CPAMD8: variants seen among roughly 807,000 people sequenced by gnomAD.
The protein encoded by CPAMD8 is C3 and PZP-like alpha-2-macroglobulin domain-containing protein 8.
CPAMD8 carries 146 observed loss-of-function variants against 224.7 expected under a neutral mutation model. That is an observed-to-expected ratio of 0.65 (90% confidence interval 0.57 to 0.75). The LOEUF is 0.75. Among genes scored for constraint, CPAMD8 ranks in the 30% least tolerant of loss-of-function variants. The pLI is 0.00. For missense variants in CPAMD8, 2,301 were observed against 2,537.5 expected, an observed-to-expected ratio of 0.91 and a Z score of 2.00; for synonymous variants, 966 against 1,044.6, an observed-to-expected ratio of 0.92 and a Z score of 1.45.
chr19:17,005,098 G>T (rs2056449476), intron 7 of CPAMD8, among the ~76,000 whole-genome samples: 1 of 148,700 alleles, frequency 6.7e-6, no homozygotes, highest in Non-Finnish European at 1.5e-5. Flanking sequence ...AAACTGAGGG[G>T]TGCTGACCAT....
At position 16,980,477 on chromosome 19, in the gene CPAMD8, C is replaced by A; in HGVS notation, c.1585+20G>T. 2 of 1,608,224 alleles carry A rather than the reference C, an allele frequency of 1.2e-6. No homozygotes were observed. The highest frequency in any genetic ancestry group is 1.3e-5 in the African/African-American group (1 of 74,860). On this transcript the variant is annotated intron_variant, in intron 14 of 41. Transcript: ENST00000443236. ...GTTCAGAAGGAAGAACAGGAACCTTCTCCCTGCTGCCCGGCTCACCTGTCT... is the reference window on the plus strand; with the variant it reads ...GTTCAGAAGGAAGAACAGGAACCTTATCCCTGCTGCCCGGCTCACCTGTCT...
At chr19:16,919,295 T>C (rs1225123395) in intron 27 of CPAMD8, among the ~76,000 whole-genome samples, 1 of 152,154 alleles carries the variant, frequency 6.6e-6, no homozygotes, top group Admixed American at 6.5e-5. Flanking sequence ...TATGGCATCC[T>C]TCCCGCTTTC....
At chr19:17,001,627 C>T (rs1023066829) in intron 9 of CPAMD8, among the ~76,000 whole-genome samples, 2 of 151,914 alleles carry the variant, frequency 1.3e-5, no homozygotes, top group African/African-American at 4.8e-5. Context: ...AGCATGGAAA[C>T]AAAGACAGGC....
chr19:16,921,943 G>T lies in CPAMD8; in HGVS notation c.3591C>A (p.Tyr1197Ter). ...ATGCGTCCCGCTCCCCAAACGCGCT[G>T]TAGGAGCCATCCTGGCGCTTGTAGG... ...QLTYKRQDGS[Y>*]SAFGERDASG... Residue 1197 changes from tyrosine to a stop codon, truncating the protein, a stop_gained, in exon 27 of 42, where the codon TAC (tyrosine) becomes TAA (stop). Coordinates refer to ENST00000443236, the MANE Select transcript of CPAMD8 (RefSeq NM_015692.5). LOFTEE classifies it high-confidence loss of function. 1 of 1,547,748 alleles carries T rather than the reference G, an allele frequency of 6.5e-7. No individual in the cohort carries two copies. Among genetic ancestry groups the T allele is most frequent in the Non-Finnish European group, 8.7e-7 (1 of 1,146,724 alleles).
At chr19:17,021,997 G>T (rs759544202) in intron 2 of CPAMD8, 33 bp downstream of exon 2, 17 of 1,549,960 alleles carry the variant, frequency 1.1e-5, no homozygotes, top group Middle Eastern at 4.7e-4. Context: ...GCAAAAGAAG[G>T]GGAAGTCCTG....
intron 23 of CPAMD8, among the ~76,000 whole-genome samples, chr19:16,937,111 C>T (rs2053718936): frequency 1.3e-5 from 2 of 150,064 alleles, no homozygotes; most frequent in African/African-American, 2.5e-5. Flanking sequence ...TTTCTTCCTT[C>T]CCTCCCTCCA....
intron 32 of CPAMD8, 50 bp downstream of exon 32, chr19:16,904,176 A>AGGGCCCCCCCCC: frequency 6.4e-6 from 6 of 937,338 alleles, no homozygotes; most frequent in Non-Finnish European, 8.4e-6. Context: ...GACTGCAGGG[A>AGGGCCCCCCCCC]CCCCACCCAC....
chr19:16,929,181 G>A lies in CPAMD8; in HGVS notation c.2905C>T (p.Arg969Cys), dbSNP rs200258917. 95 of 1,613,946 alleles carry A rather than the reference G, an allele frequency of 5.9e-5. No individual in the cohort carries two copies. The highest frequency in any genetic ancestry group is 2.4e-4 in the South Asian group (22 of 91,080). The change falls in exon 24 of 42, where the codon CGC becomes TGC. Residue 969 changes from arginine to cysteine, a missense_variant. Physicochemically the swap from Arg to Cys is radical, Grantham distance 180. This residue lies in a region of CPAMD8 where 1,709 missense variants were observed against 1,753.2 expected (regional missense o/e 0.97). Transcript: ENST00000443236. ...YEFQYVQRPL[R>C]LTRFDVAVRA... is the part of the protein sequence containing the mutation. ...ACAGCCACATCAAAGCGGGTGAGGC[G>A]CAGTGGCCGCTGCACATACTGGAAC...
intron 27 of CPAMD8, among the ~76,000 whole-genome samples, chr19:16,918,729 C>T (rs1224582825): frequency 3.4e-5 from 5 of 148,154 alleles, no homozygotes; most frequent in South Asian, 2.1e-4. Context: ...ATGACAGGCA[C>T]GTGCCATCAC....
chr19:16,976,136 A>G lies in CPAMD8; in HGVS notation c.1774T>C (p.Ser592Pro). ...FFENQVSVTYSANETQPGEVV... is the reference protein window; with the variant it reads ...FFENQVSVTYPANETQPGEVV... ...TCCCCAGGTTGGGTCTCATTTGCTG[A>G]ATACGTCACTGAAACCTTGGCGCAA... Residue 592 changes from serine to proline, a missense_variant, in exon 16 of 42, where the codon TCA becomes CCA. Ser to Pro is a moderately conservative substitution (Grantham distance 74, BLOSUM62 -1). Around this residue, in one of 4 missense-constraint regions of CPAMD8, gnomAD observed 1,709 missense variants for 1,753.2 expected, o/e 0.97. Coordinates refer to ENST00000443236, the MANE Select transcript of CPAMD8 (RefSeq NM_015692.5). 6.2e-7 allele frequency: 1 copy of G among 1,611,148 alleles called. No homozygotes were observed. Among genetic ancestry groups the G allele is most frequent in the Non-Finnish European group, 8.5e-7 (1 of 1,178,556 alleles).
At chr19:16,946,369 G>A (rs1301587051) in intron 21 of CPAMD8, among the ~76,000 whole-genome samples, 1 of 150,584 alleles carries the variant, frequency 6.6e-6, no homozygotes, top group African/African-American at 2.4e-5. Flanking sequence ...GGGTGTGTGT[G>A]TGTGGATTTG....
chr19:16,904,378 C>A lies in CPAMD8; in HGVS notation c.4115-16G>T, dbSNP rs2052385547. 2 of 1,613,972 alleles carry A rather than the reference C, an allele frequency of 1.2e-6. No homozygotes were observed. The highest frequency in any genetic ancestry group is 1.7e-6 in the Non-Finnish European group (2 of 1,180,022). ...GCCGAGACCACTGCAATGGAAGAGG[C>A]CCACTGGGGACTTTTGACACAGGGA... On this transcript the variant is annotated splice_polypyrimidine_tract_variant and intron_variant, in intron 31 of 41. Transcript: ENST00000443236.
chr19:16,931,994 C>T (rs2053559513), intron 23 of CPAMD8, among the ~76,000 whole-genome samples: 1 of 152,004 alleles, frequency 6.6e-6, no homozygotes, highest in South Asian at 2.1e-4. Context: ...ACACCAAACA[C>T]CAAACGTATA....
chr19:16,984,952 GCAAA>G (rs753428311), intron 13 of CPAMD8, among the ~76,000 whole-genome samples: 1 of 152,152 alleles, frequency 6.6e-6, no homozygotes, highest in African/African-American at 2.4e-5. Context: ...ACATATGCAT[GCAAA>G]CAAACACTAA....
rs147190036 is a variant in CPAMD8, at chr19:16,952,205, G to A, written c.2277-5C>T. On this transcript the variant is annotated splice_region_variant and splice_polypyrimidine_tract_variant and intron_variant, in intron 19 of 41. Transcript: ENST00000443236. ...GTCCCCTCACCAGATGGGTCACTGC[G>A]GAGAGACAGACAGCCATGATGGGGG... 136 of 1,481,356 alleles carry A rather than the reference G, an allele frequency of 9.2e-5. 1 individual carries two copies. Among genetic ancestry groups the A allele is most frequent in the African/African-American group, 8.9e-4 (64 of 71,724 alleles). The allele number at this position is 1,481,356 out of a possible 1,614,324, so 91.8% of individuals were successfully genotyped here.
chr19:17,025,425 AAAAC>A (rs1157686439), intron 1 of CPAMD8, among the ~76,000 whole-genome samples: 2 of 152,254 alleles, frequency 1.3e-5, no homozygotes, highest in East Asian at 3.9e-4. Flanking sequence ...AACAAAAACA[AAAAC>A]AAACCCCAAA....
intron 29 of CPAMD8, among the ~76,000 whole-genome samples, chr19:16,908,362 T>TA (rs58694833): frequency 6.9e-6 from 1 of 144,808 alleles, no homozygotes; most frequent in East Asian, 2.0e-4. Flanking sequence ...GACCTCATCT[T>TA]AAAAAAAAAA....
At chr19:16,896,115 G>T in intron 41 of CPAMD8, 61 bp downstream of exon 41, 1 of 1,586,898 alleles carries the variant, frequency 6.3e-7, no homozygotes, top group East Asian at 2.2e-5. Flanking sequence ...GTTGGTAGGG[G>T]AGGGAGGTGG....
At chr19:16,971,749 C>T (rs1223043714) in intron 17 of CPAMD8, among the ~76,000 whole-genome samples, 1 of 152,020 alleles carries the variant, frequency 6.6e-6, no homozygotes, top group African/African-American at 2.4e-5. Flanking sequence ...AATTTCATCT[C>T]GATTAGAAAA....
Sources: gnomAD v4.1 joint callset for allele counts (sites outside exome capture counted in the v4.1 genomes callset) on GRCh38, gnomAD v4.1.1 for gene constraint, gnomAD v4.1.1 regional missense constraint, MANE v1.5 for transcripts, NCBI Gene and HGNC (gene_info 2026-07-23, HGNC 2026-07-21) for gene names.